SUGCT: variants seen among roughly 807,000 people sequenced by gnomAD.
SUGCT encodes the protein succinyl-CoA:glutarate CoA-transferase.
In SUGCT, 41 loss-of-function variants were observed where a neutral mutation model predicts 55.0. The observed-to-expected ratio is 0.74, with a 90% CI of 0.58 to 0.97. The LOEUF (loss-of-function observed/expected upper bound fraction) is 0.97, where lower values mean the gene tolerates loss of function less well. Among genes scored for constraint, SUGCT ranks in the 50% least tolerant of loss-of-function variants. The probability of loss-of-function intolerance (pLI) is 0.00; values close to 1 mark genes in which losing one functional copy is unlikely to be tolerated. For synonymous variants in SUGCT, 187 were observed against 200.4 expected, an observed-to-expected ratio of 0.93 and a Z score of 0.56; for missense variants, 568 against 547.8, an observed-to-expected ratio of 1.04 and a Z score of -0.37.
intron 6 of SUGCT, among the ~76,000 whole-genome samples, chr7:40,198,002 A>G (rs1786383436): frequency 6.6e-6 from 1 of 152,170 alleles, no homozygotes; most frequent in African/African-American, 2.4e-5. Context: ...AGTGTGGTGA[A>G]ATGGCATTGG....
At chr7:40,953,345 C>T in the SUGCT span, among the ~76,000 whole-genome samples, 19 of 152,126 alleles carry the variant, frequency 1.2e-4, no homozygotes, top group Admixed American at 6.5e-4. Context: ...TTCTAGTTAG[C>T]CATTTGTCTC....
chr7:40,517,079 T>C (rs1793277188), intron 12 of SUGCT, among the ~76,000 whole-genome samples: 2 of 152,056 alleles, frequency 1.3e-5, no homozygotes. Flanking sequence ...AATTTTTTCT[T>C]TTTGATACTA....
chr7:40,658,364 T>C (rs974143296), intron 12 of SUGCT, among the ~76,000 whole-genome samples: 5 of 152,204 alleles, frequency 3.3e-5, no homozygotes, highest in African/African-American at 9.6e-5. Flanking sequence ...CCTATTGAGA[T>C]GACTCCATAA....
chr7:40,294,184 A>T (rs920256010), intron 8 of SUGCT, among the ~76,000 whole-genome samples: 4 of 152,082 alleles, frequency 2.6e-5, no homozygotes, highest in African/African-American at 9.7e-5. Flanking sequence ...TCCTGACCTC[A>T]GGTGATCCGC....
the SUGCT span, among the ~76,000 whole-genome samples, chr7:40,921,293 A>C: frequency 2.6e-5 from 4 of 152,092 alleles, no homozygotes; most frequent in Non-Finnish European, 5.9e-5. Flanking sequence ...TTGTATGTGG[A>C]CTATAGGGGC....
chr7:40,946,215 A>C, the SUGCT span, among the ~76,000 whole-genome samples: 1 of 150,696 alleles, frequency 6.6e-6, no homozygotes, highest in South Asian at 2.1e-4. Context: ...TGCTTGCTTT[A>C]TACTACCTAG....
At chr7:40,854,414 TCTTTC>T (rs200124150) in intron 13 of SUGCT, among the ~76,000 whole-genome samples, 9,561 of 88,894 alleles carry the variant, frequency 0.11, 711 homozygotes, top group East Asian at 0.47. Flanking sequence ...TTTCTTTCTT[TCTTTC>T]CTTTCTTTCT....
intron 12 of SUGCT, among the ~76,000 whole-genome samples, chr7:40,523,878 A>C (rs1002009523): frequency 1.3e-5 from 2 of 152,062 alleles, no homozygotes; most frequent in African/African-American, 4.8e-5. Flanking sequence ...TAGTAGGCCA[A>C]ATTTTCTCTC....
At chr7:40,576,790 G>C (rs1796793112) in intron 12 of SUGCT, among the ~76,000 whole-genome samples, 1 of 152,178 alleles carries the variant, frequency 6.6e-6, no homozygotes, top group African/African-American at 2.4e-5. Flanking sequence ...TCTGGTTGTA[G>C]TAGGGGAGAA....
chr7:40,407,531 GTAAGCTTCAGTAC>G (rs1786440252), intron 9 of SUGCT, among the ~76,000 whole-genome samples: 1 of 152,004 alleles, frequency 6.6e-6, no homozygotes, highest in Admixed American at 6.6e-5. Context: ...GATAGAAATA[GTAAGCTTCAGTAC>G]TAAGAAGAAG....
chr7:40,205,666 A>C (rs1394816372), intron 6 of SUGCT, among the ~76,000 whole-genome samples: 1 of 151,624 alleles, frequency 6.6e-6, no homozygotes, highest in Non-Finnish European at 1.5e-5. Flanking sequence ...AAAAAAAGAA[A>C]AGTGACAAAA....
In SUGCT at chr7:40,565,977, ACACACACACACACACG is replaced by A. The variant is rs1489066651; in HGVS notation, c.1089+69607_1089+69622del. On this transcript the variant is annotated intron_variant, in intron 12 of 13. Coordinates refer to ENST00000335693, the MANE Select transcript of SUGCT (RefSeq NM_001193313.2). ...TCAACACCTGGCATATCACACACAC[ACACACACACACACACG>A]CACACACACACACACACACACACAC... Among the ~76,000 whole-genome samples, 160 of 114,808 alleles carry A rather than the reference ACACACACACACACACG, an allele frequency of 1.4e-3. 1 individual carries two copies. The highest frequency in any genetic ancestry group is 4.8e-3 in the African/African-American group (144 of 29,766). The allele number at this position is 114,808 out of a possible 152,430, so 75.3% of individuals were successfully genotyped here. A position where few individuals can be genotyped will look rare whatever the true frequency, so the allele number is the denominator to read the frequency against.
At chr7:40,731,083 G>A (rs1163069465) in intron 12 of SUGCT, among the ~76,000 whole-genome samples, 1 of 152,206 alleles carries the variant, frequency 6.6e-6, no homozygotes, top group Non-Finnish European at 1.5e-5. Flanking sequence ...ATGGGAGACT[G>A]AGTGAATGGG....
intron 12 of SUGCT, among the ~76,000 whole-genome samples, chr7:40,666,395 G>C (rs959951327): frequency 7.7e-6 from 1 of 130,514 alleles, no homozygotes; most frequent in Admixed American, 8.2e-5. Context: ...AGGAAGGAAA[G>C]AAAGAAAGTA....
chr7:40,188,690 A>G, intron 4 of SUGCT, 110 bp downstream of exon 4: 1 of 611,172 alleles, frequency 1.6e-6, no homozygotes, highest in South Asian at 2.5e-5. Context: ...TTAAGATGTA[A>G]CTAATATTTC....
chr7:40,899,551 A>T, the SUGCT span, among the ~76,000 whole-genome samples: 8 of 152,118 alleles, frequency 5.3e-5, no homozygotes, highest in East Asian at 3.9e-4. Context: ...AACTCATAAG[A>T]CGGCATTATG....
chr7:40,777,058 G>T (rs1197305943), intron 13 of SUGCT, among the ~76,000 whole-genome samples: 29 of 152,160 alleles, frequency 1.9e-4, no homozygotes, highest in Admixed American at 1.9e-3. Context: ...GTGTAACGGG[G>T]ATCTCCTCTA....
chr7:40,341,448 G>T (rs1462686480), intron 9 of SUGCT, among the ~76,000 whole-genome samples: 1 of 152,202 alleles, frequency 6.6e-6, no homozygotes, highest in Non-Finnish European at 1.5e-5. Context: ...TGCGCCTGCT[G>T]TTGAGGGAGA....
At chr7:40,569,546 A>ATGT (rs1796329623) in intron 12 of SUGCT, among the ~76,000 whole-genome samples, 1 of 152,164 alleles carries the variant, frequency 6.6e-6, no homozygotes, top group African/African-American at 2.4e-5. Flanking sequence ...TCAGAGCTCG[A>ATGT]TGTTTCCCAT....
Sources: gnomAD v4.1 joint callset for allele counts (sites outside exome capture counted in the v4.1 genomes callset) on GRCh38, gnomAD v4.1.1 for gene constraint, MANE v1.5 for transcripts, NCBI Gene and HGNC (gene_info 2026-07-23, HGNC 2026-07-21) for gene names.